Variants in LARGE1 observed in about 807,000 individuals in gnomAD.
LARGE1 encodes the protein LARGE xylosyl- and glucuronyltransferase 1, also known as xylosyl- and glucuronyltransferase LARGE1.
A neutral mutation model predicts 87.6 loss-of-function variants in LARGE1; 43 were observed. The ratio of observed to expected loss-of-function variants is 0.49; its 90% CI spans 0.38 to 0.63. LARGE1 has a LOEUF of 0.63. LARGE1 is among the 30% of genes least tolerant of loss of function. The probability of loss-of-function intolerance (pLI) is 0.00; values close to 1 mark genes in which losing one functional copy is unlikely to be tolerated. For missense variants in LARGE1, 802 were observed against 1,000.2 expected (o/e 0.80, Z 2.67); for synonymous variants, 434 against 394.6 (o/e 1.10, Z -1.18).
chr22:33,509,577 A>C lies in LARGE1; in HGVS notation c.787+55271T>G, dbSNP rs2070950032. Among the ~76,000 whole-genome samples, 3 of 152,150 alleles carry C rather than the reference A, an allele frequency of 2.0e-5. No individual in the cohort carries two copies. In the South Asian group the frequency reaches 6.2e-4, roughly 32 times the overall value. ...GTGATCCTCCCACCCCAGCCTCCCAAGTAGCCCAGACTACAGGTGCATGCC... is the reference window on the plus strand; with the variant it reads ...GTGATCCTCCCACCCCAGCCTCCCACGTAGCCCAGACTACAGGTGCATGCC... On this transcript the variant is annotated intron_variant, in intron 6 of 14. Transcript: ENST00000397394.
intron 1 of LARGE1, among the ~76,000 whole-genome samples, chr22:33,918,922 CCT>C (rs57460313): frequency 0.83 from 123,202 of 149,210 alleles, 50,992 homozygotes; most frequent in East Asian, 1. Flanking sequence ...CCCACTCCCT[CCT>C]CTCTCTCTCT....
intron 12 of LARGE1, among the ~76,000 whole-genome samples, chr22:33,302,673 A>G (rs1327884702): frequency 2.0e-5 from 3 of 152,208 alleles, no homozygotes; most frequent in Non-Finnish European, 2.9e-5. Context: ...AGTCAGAAGG[A>G]GGGAGGGAGA....
At chr22:33,468,746 G>A (rs972461113) in intron 6 of LARGE1, among the ~76,000 whole-genome samples, 4 of 152,094 alleles carry the variant, frequency 2.6e-5, no homozygotes, top group African/African-American at 4.8e-5. Context: ...GCTAGAATAC[G>A]GTAGAGCCAC....
the LARGE1 span, among the ~76,000 whole-genome samples, chr22:33,092,929 A>G: frequency 6.6e-6 from 1 of 152,186 alleles, no homozygotes; most frequent in Admixed American, 6.5e-5. Context: ...TGCTGCAGTG[A>G]ACATATGCAT....
chr22:33,079,173 A>G, the LARGE1 span, among the ~76,000 whole-genome samples: 5 of 149,062 alleles, frequency 3.4e-5, no homozygotes, highest in East Asian at 1.0e-3. Context: ...TAAAGCGCTT[A>G]GAGGCAGCGG....
intron 6 of LARGE1, among the ~76,000 whole-genome samples, chr22:33,459,397 G>C (rs16992377): frequency 0.02 from 3,080 of 151,566 alleles, 96 homozygotes; most frequent in African/African-American, 0.071. Flanking sequence ...GTCTTTTACA[G>C]GGCAGTGAAC....
At chr22:33,406,083 A>G (rs1286168175) in intron 7 of LARGE1, among the ~76,000 whole-genome samples, 3 of 152,208 alleles carry the variant, frequency 2.0e-5, no homozygotes, top group Non-Finnish European at 4.4e-5. Flanking sequence ...AACCAGGCTG[A>G]ATATGTGGTT....
At chr22:33,903,552 C>T (rs534564829) in intron 1 of LARGE1, among the ~76,000 whole-genome samples, 12 of 152,142 alleles carry the variant, frequency 7.9e-5, no homozygotes, top group South Asian at 6.2e-4. Context: ...ATTGGCCAGG[C>T]GCGGTGGCTC....
intron 1 of LARGE1, among the ~76,000 whole-genome samples, chr22:33,807,008 CAA>C (rs60713375): frequency 1.3e-5 from 2 of 149,222 alleles, no homozygotes; most frequent in African/African-American, 4.9e-5. Flanking sequence ...GACTCCGTCT[CAA>C]AAAAAAAAAT....
chr22:33,428,953 AAAAAAAAAG>A (rs1450058903), intron 7 of LARGE1, among the ~76,000 whole-genome samples: 2 of 124,662 alleles, frequency 1.6e-5, no homozygotes, highest in Non-Finnish European at 3.6e-5. Context: ...CAAAAAAAAA[AAAAAAAAAG>A]GAGAGAACTG....
intron 6 of LARGE1, among the ~76,000 whole-genome samples, chr22:33,522,477 T>C (rs550504241): frequency 2.0e-5 from 3 of 152,012 alleles, no homozygotes; most frequent in East Asian, 1.9e-4. Flanking sequence ...GGCGGGTGGA[T>C]TGCTTAAGCT....
chr22:33,243,367 G>T (rs936401592), intron 11 of LARGE1, among the ~76,000 whole-genome samples: 2 of 152,130 alleles, frequency 1.3e-5, no homozygotes, highest in Non-Finnish European at 2.9e-5. Flanking sequence ...ACCTCAGAAA[G>T]TTCCTTTGCT....
chr22:33,493,683 G>A (rs1036663765), intron 6 of LARGE1, among the ~76,000 whole-genome samples: 3 of 152,298 alleles, frequency 2.0e-5, no homozygotes, highest in Admixed American at 6.5e-5. Flanking sequence ...GGAAACTGCA[G>A]ACAGAGGGAT....
the LARGE1 span, among the ~76,000 whole-genome samples, chr22:33,120,358 T>TTTTC: frequency 0.23 from 26,892 of 117,634 alleles, 2,853 homozygotes; most frequent in Non-Finnish European, 0.26. Context: ...TTTTCTTTCT[T>TTTTC]TTTCTTTCTT....
chr22:33,492,839 T>G (rs770421705), intron 6 of LARGE1, among the ~76,000 whole-genome samples: 6 of 152,134 alleles, frequency 3.9e-5, no homozygotes, highest in Non-Finnish European at 8.8e-5. Flanking sequence ...GTCCTTGTCC[T>G]GGGGGCTTTG....
intron 6 of LARGE1, among the ~76,000 whole-genome samples, chr22:33,461,489 C>T (rs1440576163): frequency 6.6e-6 from 1 of 151,848 alleles, no homozygotes; most frequent in Non-Finnish European, 1.5e-5. Flanking sequence ...GGGCAGGGAA[C>T]ATCACACACT....
At position 33,801,756 on chromosome 22, in the gene LARGE1, T is replaced by A. The variant is rs377184035; in HGVS notation, c.-82-40198A>T. 2.0e-5 allele frequency among the ~76,000 whole-genome samples: 3 copies of A among 152,244 alleles called. No homozygotes were observed. In the East Asian group the frequency reaches 5.8e-4, roughly 29 times the overall value. ...CGAATTGTGCTTTTGGTGTTCCAAC[T>A]CCTTTTAAAATCCAAGATCAGAAGA... is the stretch of plus-strand genomic sequence containing the variant. On this transcript the variant is annotated intron_variant, in intron 1 of 14. Transcript: ENST00000397394.
At chr22:33,858,423 G>A (rs538298686) in intron 1 of LARGE1, among the ~76,000 whole-genome samples, 14 of 152,334 alleles carry the variant, frequency 9.2e-5, no homozygotes, top group Admixed American at 2.0e-4. Context: ...ACCCAAAGAG[G>A]GTAGCCATTG....
the LARGE1 span, among the ~76,000 whole-genome samples, chr22:33,096,731 A>AT: frequency 8.6e-5 from 13 of 151,600 alleles, no homozygotes; most frequent in East Asian, 1.9e-4. Flanking sequence ...CGCCCGGCTA[A>AT]TTTTTTTGTA....
Sources: allele counts gnomAD v4.1 joint callset (sites outside exome capture counted in the v4.1 genomes callset), GRCh38; gene constraint gnomAD v4.1.1; transcripts MANE v1.5; gene names NCBI Gene and HGNC (gene_info 2026-07-23, HGNC 2026-07-21).